Variants in SLC25A28 observed in about 807,000 individuals in gnomAD.
SLC25A28 encodes the protein mitoferrin-2.
SLC25A28 carries 10 observed loss-of-function variants against 31.9 expected under a neutral mutation model. The ratio of observed to expected loss-of-function variants is 0.31; its 90% CI spans 0.19 to 0.53. The LOEUF is 0.53. SLC25A28 is among the 20% of genes least tolerant of loss of function. The probability of loss-of-function intolerance (pLI) is 0.95; values close to 1 mark genes in which losing one functional copy is unlikely to be tolerated. For synonymous variants in SLC25A28, 208 were observed against 203.6 expected (o/e 1.02, Z -0.19); for missense variants, 256 against 490.3 (o/e 0.52, Z 4.51).
chr10:99,614,666 T>C (rs1339667567), intron 1 of SLC25A28, among the ~76,000 whole-genome samples: 5 of 152,188 alleles, frequency 3.3e-5, no homozygotes, highest in African/African-American at 9.7e-5. Flanking sequence ...GATTTGATGA[T>C]TGGAATAAAA....
chr10:99,626,193 G>A, the SLC25A28 span, among the ~76,000 whole-genome samples: 1 of 152,156 alleles, frequency 6.6e-6, no homozygotes. Flanking sequence ...GATTCCAGCA[G>A]CCACACATGA....
At chr10:99,617,741 G>A (rs973500352) in intron 1 of SLC25A28, 1 of 985,268 alleles carries the variant, frequency 1.0e-6, no homozygotes, top group Admixed American at 6.1e-5. Context: ...TCGTATTGTT[G>A]ACAACTCCTG....
At chr10:99,654,790 G>A in the SLC25A28 span, among the ~76,000 whole-genome samples, 9 of 152,238 alleles carry the variant, frequency 5.9e-5, no homozygotes, top group Admixed American at 1.3e-4. Flanking sequence ...GCTGGAGTGC[G>A]GTGGCTACTG....
In SLC25A28 at chr10:99,620,305, CACCGCCAG is replaced by C. The variant is rs1364792847; in HGVS notation, c.23_30del (p.Ala8GlyfsTer96). 1 of 1,155,500 alleles carries C rather than the reference CACCGCCAG, an allele frequency of 8.7e-7. No homozygotes were observed. The highest frequency in any genetic ancestry group is 1.1e-6 in the Non-Finnish European group (1 of 938,476). 71.6% of individuals were successfully genotyped at this position (1,155,500 alleles called of 1,614,324 possible). On this transcript the variant is annotated frameshift_variant, in exon 1 of 4. Coordinates refer to ENST00000370495, the MANE Select transcript of SLC25A28 (RefSeq NM_031212.4). LOFTEE classifies it high-confidence loss of function. The stretch of plus-strand genomic sequence containing the variant: ...GGCCCTGCCGCCGGCCCCCCCGCCA[CACCGCCAG>C]CACCCCGCCCCTCCAACTCCATCCA...
At chr10:99,637,594 A>T in the SLC25A28 span, among the ~76,000 whole-genome samples, 1 of 152,364 alleles carries the variant, frequency 6.6e-6, no homozygotes, top group South Asian at 2.1e-4. Context: ...AAGTTTCTGG[A>T]TACAAGATTA....
chr10:99,628,833 A>C, the SLC25A28 span, among the ~76,000 whole-genome samples: 2 of 152,306 alleles, frequency 1.3e-5, no homozygotes, highest in East Asian at 3.9e-4. Context: ...AAAACAAAAC[A>C]AAAAAACCCA....
At chr10:99,643,551 G>A in the SLC25A28 span, among the ~76,000 whole-genome samples, 11 of 152,178 alleles carry the variant, frequency 7.2e-5, no homozygotes, top group African/African-American at 2.2e-4. Context: ...AGGGTTTTTT[G>A]TGTCTCTATC....
the SLC25A28 span, among the ~76,000 whole-genome samples, chr10:99,635,974 G>A: frequency 5.3e-5 from 8 of 152,058 alleles, no homozygotes; most frequent in South Asian, 8.3e-4. Context: ...TTTATAAAGC[G>A]ATTACTAATA....
At chr10:99,618,601 T>G in intron 1 of SLC25A28, 1 of 985,454 alleles carries the variant, frequency 1.0e-6, no homozygotes, top group Non-Finnish European at 1.2e-6. Context: ...CTCTCATGGA[T>G]TTTACAGTTT....
chr10:99,656,558 A>G, the SLC25A28 span, among the ~76,000 whole-genome samples: 1 of 152,176 alleles, frequency 6.6e-6, no homozygotes, highest in South Asian at 2.1e-4. Context: ...TGGAAGGGAG[A>G]GTGTAGACCA....
chr10:99,612,615 C>G lies in SLC25A28; in HGVS notation c.521-16G>C. ...CCGGCCGCACCTGCAAACAAGAAAA[C>G]AACTGCCACATGTAAGGCCAAGAGA... is the stretch of plus-strand genomic sequence containing the variant. On this transcript the variant is annotated splice_polypyrimidine_tract_variant and intron_variant, in intron 2 of 3. Transcript: ENST00000370495. 6.2e-7 allele frequency: 1 copy of G among 1,614,146 alleles called. No homozygotes were observed. Among genetic ancestry groups the G allele is most frequent in the Non-Finnish European group, 8.5e-7 (1 of 1,180,030 alleles).
chr10:99,619,781 C>T (rs769567862), intron 1 of SLC25A28, among the ~76,000 whole-genome samples: 26 of 152,352 alleles, frequency 1.7e-4, no homozygotes, highest in Middle Eastern at 3.4e-3. Flanking sequence ...CAGGTGGGGT[C>T]CAGGGCTTTG....
chr10:99,637,781 CT>C, the SLC25A28 span, among the ~76,000 whole-genome samples: 1 of 152,116 alleles, frequency 6.6e-6, no homozygotes, highest in African/African-American at 2.4e-5. Context: ...CAAAACACTG[CT>C]GAAATAAATC....
the SLC25A28 span, among the ~76,000 whole-genome samples, chr10:99,642,836 G>A: frequency 6.6e-6 from 1 of 152,132 alleles, no homozygotes; most frequent in South Asian, 2.1e-4. Context: ...TGTGGTTTTT[G>A]TCTTTGGTTC....
chr10:99,614,979 G>T (rs1024992677), intron 1 of SLC25A28, among the ~76,000 whole-genome samples: 1 of 152,176 alleles, frequency 6.6e-6, no homozygotes, highest in East Asian at 1.9e-4. Flanking sequence ...AATCACTGGT[G>T]AGCCAATGGA....
the SLC25A28 span, among the ~76,000 whole-genome samples, chr10:99,638,566 C>G: frequency 8.0e-4 from 122 of 152,234 alleles, 1 homozygote; most frequent in Non-Finnish European, 1.3e-3. Flanking sequence ...TATCCAGAAT[C>G]TACAATGAAC....
chr10:99,638,225 A>T, the SLC25A28 span, among the ~76,000 whole-genome samples: 1 of 151,838 alleles, frequency 6.6e-6, no homozygotes, highest in East Asian at 1.9e-4. Context: ...AAATGGTAAT[A>T]ATTGGCTAGC....
At chr10:99,650,381 T>C in the SLC25A28 span, among the ~76,000 whole-genome samples, 5 of 152,140 alleles carry the variant, frequency 3.3e-5, no homozygotes, top group Non-Finnish European at 5.9e-5. Context: ...GGTCTTACTA[T>C]GTTGTCCAGG....
rs1589993750 is a variant in SLC25A28, at chr10:99,613,392, T to C, written c.520+304A>G. 1 of 1,258,530 alleles carries C rather than the reference T, an allele frequency of 7.9e-7. No homozygotes were observed. Among genetic ancestry groups the C allele is most frequent in the East Asian group, 4.3e-5 (1 of 23,520 alleles). 78.0% of individuals were successfully genotyped at this position (1,258,530 alleles called of 1,614,324 possible). ...CCAACTGTCAAACATAGACTGGGGG[T>C]AGTTCAGTGTGTCTCCACATTACCA... On this transcript the variant is annotated intron_variant, in intron 2 of 3. Coordinates refer to ENST00000370495, the MANE Select transcript of SLC25A28 (RefSeq NM_031212.4). This position sits in a 1 kb window ranked among gnomAD's most constrained non-coding sequence, Gnocchi z 4.9.
Sources: allele counts gnomAD v4.1 joint callset (sites outside exome capture counted in the v4.1 genomes callset), GRCh38; gene constraint gnomAD v4.1.1; non-coding constraint Gnocchi (gnomAD v3.1); transcripts MANE v1.5; gene names NCBI Gene and HGNC (gene_info 2026-07-23, HGNC 2026-07-21).